CDIN1: variants seen among roughly 807,000 people sequenced by gnomAD.
CDIN1 encodes the protein CDAN1-interacting nuclease 1.
In CDIN1, 33 loss-of-function variants were observed where a neutral mutation model predicts 45.3. The ratio of observed to expected loss-of-function variants is 0.73; its 90% CI spans 0.55 to 0.97. The LOEUF (loss-of-function observed/expected upper bound fraction) is 0.97, where lower values mean the gene tolerates loss of function less well. Among genes scored for constraint, CDIN1 ranks in the 50% least tolerant of loss-of-function variants. CDIN1 has a pLI of 0.00. For missense variants in CDIN1, 303 were observed against 339.4 expected (o/e 0.89, Z 0.84); for synonymous variants, 118 against 124.4 (o/e 0.95, Z 0.34).
At chr15:36,632,939 G>A (rs567529038) in intron 1 of CDIN1, among the ~76,000 whole-genome samples, 1 of 152,084 alleles carries the variant, frequency 6.6e-6, no homozygotes, top group Admixed American at 6.6e-5. Flanking sequence ...TTTATGTTAC[G>A]ACTTGTTCTA....
Position 36,710,942 on chromosome 15 carries a change from G to GT in CDIN1, c.716+982dup, listed in dbSNP as rs528524460. 1.8e-3 allele frequency among the ~76,000 whole-genome samples: 275 copies of GT among 152,240 alleles called. 3 individuals carry two copies. Among genetic ancestry groups the GT allele is most frequent in the Non-Finnish European group, 2.7e-3 (181 of 68,012 alleles). On this transcript the variant is annotated intron_variant, in intron 10 of 10. Transcript: ENST00000566621. ...TAAACTAAGCCCACTTTTTGCCATG[G>GT]TAACAATGATCATGACAAAATGCTG...
chr15:36,646,200 A>G (rs980935188), intron 3 of CDIN1, among the ~76,000 whole-genome samples: 1 of 152,204 alleles, frequency 6.6e-6, no homozygotes, highest in African/African-American at 2.4e-5. Context: ...AATGATTTTT[A>G]TGCATAAAAA....
At chr15:36,776,105 G>A (rs900726953) in intron 10 of CDIN1, among the ~76,000 whole-genome samples, 8 of 152,084 alleles carry the variant, frequency 5.3e-5, no homozygotes, top group Non-Finnish European at 1.0e-4. Context: ...AGGAAGTAAC[G>A]ACTAAACTTT....
intron 10 of CDIN1, among the ~76,000 whole-genome samples, chr15:36,792,114 T>TTAAC (rs2054660961): frequency 6.6e-6 from 1 of 152,190 alleles, no homozygotes; most frequent in Non-Finnish European, 1.5e-5. Context: ...CGTCACAAGC[T>TTAAC]TAACTAAATG....
chr15:36,726,475 CCA>C (rs1451653328), intron 10 of CDIN1, among the ~76,000 whole-genome samples: 1 of 152,148 alleles, frequency 6.6e-6, no homozygotes, highest in Non-Finnish European at 1.5e-5. Context: ...GTGGCCACCC[CCA>C]CACACCTTTC....
At chr15:36,580,693 C>T (rs1404835417) in intron 1 of CDIN1, among the ~76,000 whole-genome samples, 1 of 152,222 alleles carries the variant, frequency 6.6e-6, no homozygotes, top group Non-Finnish European at 1.5e-5. Flanking sequence ...GAAACTGAGA[C>T]CCCAACATTA....
intron 1 of CDIN1, among the ~76,000 whole-genome samples, chr15:36,627,942 ATTT>A (rs35889540): frequency 8.3e-5 from 12 of 144,296 alleles, no homozygotes; most frequent in Admixed American, 1.4e-4. Context: ...GAGGCCTGTA[ATTT>A]TTTTTTTTTT....
chr15:36,639,345 C>G (rs1482599989), intron 1 of CDIN1, among the ~76,000 whole-genome samples: 2 of 143,148 alleles, frequency 1.4e-5, no homozygotes, highest in Non-Finnish European at 3.0e-5. Flanking sequence ...GTGGCTCACG[C>G]CTGCAATCCC....
chr15:36,791,567 A>T (rs1419716348), intron 10 of CDIN1, among the ~76,000 whole-genome samples: 1 of 152,178 alleles, frequency 6.6e-6, no homozygotes, highest in East Asian at 1.9e-4. Context: ...AGGCATAAGT[A>T]TCTCATTAAA....
intron 1 of CDIN1, among the ~76,000 whole-genome samples, chr15:36,626,507 A>G (rs188004484): frequency 1.3e-5 from 2 of 152,332 alleles, no homozygotes; most frequent in Non-Finnish European, 2.9e-5. Context: ...GTTTCAAGGT[A>G]TGTTTTCAAT....
chr15:36,589,799 C>T (rs916607047), intron 1 of CDIN1, among the ~76,000 whole-genome samples: 25 of 152,260 alleles, frequency 1.6e-4, no homozygotes, highest in African/African-American at 5.8e-4. Context: ...CCACCGCTCC[C>T]GGCCAACAGT....
At chr15:36,793,147 C>G (rs566176629) in intron 10 of CDIN1, among the ~76,000 whole-genome samples, 1 of 152,118 alleles carries the variant, frequency 6.6e-6, no homozygotes, top group African/African-American at 2.4e-5. Context: ...CTGAGCTACC[C>G]CAGGGCCTTC....
intron 10 of CDIN1, among the ~76,000 whole-genome samples, chr15:36,717,181 A>ATTCTGTGTT (rs2043244369): frequency 6.6e-6 from 1 of 152,194 alleles, no homozygotes; most frequent in Admixed American, 6.6e-5. Context: ...TTATTGCGGT[A>ATTCTGTGTT]TAACTGACAC....
intron 1 of CDIN1, chr15:36,618,772 A>C (rs553572328): frequency 1.3e-6 from 1 of 777,300 alleles, no homozygotes; most frequent in African/African-American, 1.7e-5. Context: ...AAAAAAAAAA[A>C]AAAAAAAAGG....
intron 1 of CDIN1, among the ~76,000 whole-genome samples, chr15:36,623,822 G>T (rs925074228): frequency 6.6e-6 from 1 of 152,186 alleles, no homozygotes; most frequent in African/African-American, 2.4e-5. Context: ...TGACATACTG[G>T]TTCTTGAAAG....
intron 10 of CDIN1, among the ~76,000 whole-genome samples, chr15:36,717,200 C>T (rs1358370472): frequency 6.6e-6 from 1 of 152,140 alleles, no homozygotes; most frequent in African/African-American, 2.4e-5. Context: ...ACAGAATAAA[C>T]TCATATTTAA....
At chr15:36,587,491 G>A (rs749831117) in intron 1 of CDIN1, among the ~76,000 whole-genome samples, 25 of 152,016 alleles carry the variant, frequency 1.6e-4, no homozygotes, top group Non-Finnish European at 3.1e-4. Context: ...GTGAACTTAG[G>A]AGTCCAATCT....
intron 5 of CDIN1, chr15:36,691,087 A>G (rs1183816928): frequency 1.0e-5 from 5 of 501,764 alleles, no homozygotes; most frequent in Non-Finnish European, 2.0e-5. Flanking sequence ...TTCCTTATTT[A>G]AGATTCTCTC....
intron 10 of CDIN1, among the ~76,000 whole-genome samples, chr15:36,731,252 G>A (rs1339209010): frequency 6.6e-6 from 1 of 152,204 alleles, no homozygotes; most frequent in East Asian, 1.9e-4. Flanking sequence ...TATATAGATA[G>A]GTTAAGCTTC....
Sources: gnomAD v4.1 joint callset for allele counts (sites outside exome capture counted in the v4.1 genomes callset) on GRCh38, gnomAD v4.1.1 for gene constraint, MANE v1.5 for transcripts, NCBI Gene and HGNC (gene_info 2026-07-23, HGNC 2026-07-21) for gene names.